PRKD1: variants seen among roughly 807,000 people sequenced by gnomAD.
The protein encoded by PRKD1 is serine/threonine-protein kinase D1.
PRKD1 carries 63 observed loss-of-function variants against 95.9 expected under a neutral mutation model. The ratio of observed to expected loss-of-function variants is 0.66; its 90% CI spans 0.54 to 0.81. The LOEUF is 0.81. PRKD1 is among the 30% of genes least tolerant of loss of function. PRKD1 has a pLI of 0.00. For synonymous variants in PRKD1, 425 were observed against 423.1 expected (o/e 1.00, Z -0.05); for missense variants, 1,048 against 1,165.3 (o/e 0.90, Z 1.47).
At chr14:29,784,622 G>C (rs929831600) in intron 1 of PRKD1, among the ~76,000 whole-genome samples, 1 of 152,076 alleles carries the variant, frequency 6.6e-6, no homozygotes, top group African/African-American at 2.4e-5. Context: ...AGATCTGAGA[G>C]ACCAAAATAA....
At chr14:29,767,453 A>G (rs1888306115) in intron 1 of PRKD1, among the ~76,000 whole-genome samples, 1 of 152,130 alleles carries the variant, frequency 6.6e-6, no homozygotes, top group African/African-American at 2.4e-5. Flanking sequence ...GCCATGCAAA[A>G]CATCTCTAAT....
chr14:29,794,363 T>A, intron 1 of PRKD1, among the ~76,000 whole-genome samples: 1 of 152,050 alleles, frequency 6.6e-6, no homozygotes, highest in East Asian at 1.9e-4. Context: ...AAAGTACTCC[T>A]GCCCCTAAAT....
chr14:29,903,384 CAG>C (rs1894387347), intron 1 of PRKD1, among the ~76,000 whole-genome samples: 1 of 152,168 alleles, frequency 6.6e-6, no homozygotes, highest in Admixed American at 6.5e-5. Flanking sequence ...GGAGAAGGGA[CAG>C]AATGTATGTT....
chr14:29,616,884 C>T lies in PRKD1; in HGVS notation c.1905+7268G>A, dbSNP rs552797227. On this transcript the variant is annotated intron_variant, in intron 13 of 17. Transcript: ENST00000331968. ...GAGTGTTGTAGGGGTTTGGTATACACTTGGTTTCATTATCCAGATAATAAG... is the reference window on the plus strand; with the variant it reads ...GAGTGTTGTAGGGGTTTGGTATACATTTGGTTTCATTATCCAGATAATAAG... Among the ~76,000 whole-genome samples, 50 of 152,240 alleles carry T rather than the reference C, an allele frequency of 3.3e-4. No individual in the cohort carries two copies. In the Middle Eastern group the frequency reaches 0.01, roughly 31 times the overall value.
chr14:29,905,554 T>G (rs1047908547), intron 1 of PRKD1, among the ~76,000 whole-genome samples: 4 of 152,138 alleles, frequency 2.6e-5, no homozygotes, highest in Non-Finnish European at 5.9e-5. Context: ...CTCAGTTCTT[T>G]AATAAAATCT....
chr14:29,608,935 A>T (rs1321049862), intron 13 of PRKD1, among the ~76,000 whole-genome samples: 1 of 152,224 alleles, frequency 6.6e-6, no homozygotes, highest in African/African-American at 2.4e-5. Flanking sequence ...CATTGATATT[A>T]ACTTAGAACA....
At chr14:29,918,513 T>C (rs1894972122) in intron 1 of PRKD1, among the ~76,000 whole-genome samples, 1 of 152,202 alleles carries the variant, frequency 6.6e-6, no homozygotes, top group African/African-American at 2.4e-5. Context: ...TCACAGTAGC[T>C]GAAATACTTG....
intron 15 of PRKD1, among the ~76,000 whole-genome samples, chr14:29,598,137 G>A (rs149794258): frequency 3.3e-5 from 5 of 151,944 alleles, no homozygotes; most frequent in African/African-American, 9.7e-5. Flanking sequence ...TTAGCCCGGC[G>A]TAGTGGTGTG....
At chr14:29,651,751 A>G (rs2139178307) in intron 4 of PRKD1, among the ~76,000 whole-genome samples, 1 of 150,042 alleles carries the variant, frequency 6.7e-6, no homozygotes, top group South Asian at 2.1e-4. Flanking sequence ...TTATTTATGT[A>G]TTTATTTTTG....
chr14:29,817,786 T>C (rs187088326), intron 1 of PRKD1, among the ~76,000 whole-genome samples: 4 of 152,214 alleles, frequency 2.6e-5, no homozygotes, highest in Admixed American at 2.6e-4. Context: ...TAATTCTTCT[T>C]ATAAATTCCA....
At chr14:29,687,218 A>AG (rs1340824535) in intron 2 of PRKD1, among the ~76,000 whole-genome samples, 1 of 152,218 alleles carries the variant, frequency 6.6e-6, no homozygotes, top group Non-Finnish European at 1.5e-5. Flanking sequence ...ATAATGCATG[A>AG]GGAAAAGCAA....
intron 16 of PRKD1, among the ~76,000 whole-genome samples, chr14:29,579,909 T>C (rs569445145): frequency 2.0e-5 from 3 of 152,284 alleles, no homozygotes; most frequent in Admixed American, 2.0e-4. Flanking sequence ...AGTATAGTTC[T>C]GTGAACTGCG....
chr14:29,910,349 C>T (rs1006051060), intron 1 of PRKD1, among the ~76,000 whole-genome samples: 2 of 152,136 alleles, frequency 1.3e-5, no homozygotes, highest in African/African-American at 4.8e-5. Flanking sequence ...AAGGAATAAA[C>T]TCTGAACACG....
At chr14:29,822,824 T>C (rs901903132) in intron 1 of PRKD1, among the ~76,000 whole-genome samples, 2 of 152,106 alleles carry the variant, frequency 1.3e-5, no homozygotes, top group African/African-American at 2.4e-5. Context: ...ACAAAGAAAA[T>C]ACTCCCACAG....
chr14:29,764,696 C>A lies in PRKD1; in HGVS notation c.265-39022G>T, dbSNP rs145665568. 6.2e-3 allele frequency among the ~76,000 whole-genome samples: 943 copies of A among 152,264 alleles called. 15 individuals carry two copies. The highest frequency in any genetic ancestry group is 0.021 in the African/African-American group (878 of 41,540). Reference sequence around the variant, plus strand: ...ATACTATTTATGAGGGTGGAGCTCTCATGATCAATTATATCCTAAAGGCCA... The same window carrying A: ...ATACTATTTATGAGGGTGGAGCTCTAATGATCAATTATATCCTAAAGGCCA... On this transcript the variant is annotated intron_variant, in intron 1 of 17. Coordinates refer to ENST00000331968, the MANE Select transcript of PRKD1 (RefSeq NM_002742.3).
At chr14:29,790,897 G>C (rs1187964671) in intron 1 of PRKD1, among the ~76,000 whole-genome samples, 1 of 152,114 alleles carries the variant, frequency 6.6e-6, no homozygotes, top group Non-Finnish European at 1.5e-5. Flanking sequence ...GTGTTACAGA[G>C]GTGTACAGGA....
At chr14:29,883,065 C>T (rs960370587) in intron 1 of PRKD1, among the ~76,000 whole-genome samples, 1 of 152,144 alleles carries the variant, frequency 6.6e-6, no homozygotes, top group Non-Finnish European at 1.5e-5. Context: ...CTGGGGAGGC[C>T]TCAGGGACCT....
intron 1 of PRKD1, among the ~76,000 whole-genome samples, chr14:29,895,899 T>TAA (rs1894107966): frequency 6.6e-6 from 1 of 152,218 alleles, no homozygotes; most frequent in South Asian, 2.1e-4. Flanking sequence ...CCAGTTTTCC[T>TAA]TAACCATACT....
intron 1 of PRKD1, among the ~76,000 whole-genome samples, chr14:29,774,327 T>C (rs182894541): frequency 6.6e-6 from 1 of 152,226 alleles, no homozygotes; most frequent in East Asian, 1.9e-4. Flanking sequence ...TATTAAAACA[T>C]ACCTCCTGAA....
Sources: gnomAD v4.1 joint callset for allele counts (sites outside exome capture counted in the v4.1 genomes callset) on GRCh38, gnomAD v4.1.1 for gene constraint, MANE v1.5 for transcripts, NCBI Gene and HGNC (gene_info 2026-07-23, HGNC 2026-07-21) for gene names.